Variants in SEMA3D observed in about 807,000 individuals in gnomAD.
SEMA3D encodes semaphorin-3D.
SEMA3D carries 84 observed loss-of-function variants against 100.1 expected under a neutral mutation model. The ratio of observed to expected loss-of-function variants is 0.84; its 90% CI spans 0.70 to 1.01. The LOEUF is 1.01. SEMA3D is among the 50% of genes least tolerant of loss of function. The pLI is 0.00. For synonymous variants in SEMA3D, 312 were observed against 320.7 expected, an observed-to-expected ratio of 0.97 and a Z score of 0.29; for missense variants, 875 against 934.1, an observed-to-expected ratio of 0.94 and a Z score of 0.82.
At chr7:85,077,843 A>G (rs1350769559) in intron 5 of SEMA3D, among the ~76,000 whole-genome samples, 1 of 152,156 alleles carries the variant, frequency 6.6e-6, no homozygotes, top group East Asian at 1.9e-4. Context: ...AACTAGTAAA[A>G]GTCTACTCAA....
intron 2 of SEMA3D, among the ~76,000 whole-genome samples, chr7:85,150,657 C>G (rs1166739819): frequency 2.0e-5 from 3 of 151,686 alleles, no homozygotes; most frequent in Non-Finnish European, 4.4e-5. Flanking sequence ...TTCATTTTAA[C>G]TCCTTTACTC....
chr7:85,174,568 GA>G (rs1290598886), intron 1 of SEMA3D, among the ~76,000 whole-genome samples: 5 of 152,042 alleles, frequency 3.3e-5, no homozygotes, highest in African/African-American at 1.2e-4. Flanking sequence ...TAAGAATATG[GA>G]AAAAAGATAC....
chr7:85,125,193 A>T (rs779081061), intron 2 of SEMA3D, among the ~76,000 whole-genome samples: 1 of 152,082 alleles, frequency 6.6e-6, no homozygotes, highest in East Asian at 1.9e-4. Flanking sequence ...CAATGCATGT[A>T]ACGTGAATGT....
intron 12 of SEMA3D, among the ~76,000 whole-genome samples, chr7:85,031,152 T>A (rs1312152743): frequency 6.6e-6 from 1 of 152,022 alleles, no homozygotes; most frequent in East Asian, 1.9e-4. Flanking sequence ...TACAGCATTC[T>A]GTCAAAACCA....
the SEMA3D span, among the ~76,000 whole-genome samples, chr7:85,226,456 A>T: frequency 2.7e-4 from 41 of 152,304 alleles, no homozygotes; most frequent in Non-Finnish European, 4.6e-4. Flanking sequence ...TACTCATTGT[A>T]TGGTTGGTAA....
At chr7:85,153,421 T>A (rs1338910416) in intron 2 of SEMA3D, among the ~76,000 whole-genome samples, 187 bp downstream of exon 2, 2 of 152,118 alleles carry the variant, frequency 1.3e-5, no homozygotes, top group Non-Finnish European at 2.9e-5. Flanking sequence ...GGACATAGAT[T>A]ATCCAAAGTT....
At chr7:85,085,175 AG>A (rs1386292089) in intron 4 of SEMA3D, among the ~76,000 whole-genome samples, 1 of 152,178 alleles carries the variant, frequency 6.6e-6, no homozygotes, top group Non-Finnish European at 1.5e-5. Context: ...ATCACATTTA[AG>A]GAATACATGT....
intron 2 of SEMA3D, chr7:85,140,298 T>C: frequency 1.0e-6 from 1 of 981,580 alleles, no homozygotes; most frequent in African/African-American, 1.7e-5. Flanking sequence ...TGCAAAACTT[T>C]GATTGTGACA....
intron 12 of SEMA3D, among the ~76,000 whole-genome samples, chr7:85,023,748 T>C (rs1790318107): frequency 6.6e-6 from 1 of 151,938 alleles, no homozygotes; most frequent in East Asian, 1.9e-4. Flanking sequence ...ATACTAGAAC[T>C]AGTCCCAATA....
chr7:85,151,335 A>G (rs1190689554), intron 2 of SEMA3D, among the ~76,000 whole-genome samples: 2 of 152,010 alleles, frequency 1.3e-5, no homozygotes, highest in African/African-American at 4.8e-5. Context: ...TTCAAAATAA[A>G]CCAGGTAAAC....
chr7:85,060,447 G>C (rs935197149), intron 8 of SEMA3D, among the ~76,000 whole-genome samples: 1 of 152,010 alleles, frequency 6.6e-6, no homozygotes, highest in Admixed American at 6.6e-5. Flanking sequence ...CATTTAATCA[G>C]TGCATACTTG....
rs142485146 is a variant in SEMA3D, at chr7:85,143,698, C to G, written c.-41+9910G>C. Among the ~76,000 whole-genome samples the G allele has an allele frequency of 2.9e-3, 435 of 151,224 alleles. 1 individual carries two copies. Among genetic ancestry groups the G allele is most frequent in the African/African-American group, 0.01 (422 of 41,152 alleles). ...GTTGTATAATATCGTCTAGTGCTCT[C>G]TAGTAAAAATATAATATGAGACATG... On this transcript the variant is annotated intron_variant, in intron 2 of 18. Transcript: ENST00000284136.
At chr7:85,033,950 G>GTGTAAGAACTAATAACTGGGAGTTAT (rs2115933559) in intron 12 of SEMA3D, among the ~76,000 whole-genome samples, 1 of 151,698 alleles carries the variant, frequency 6.6e-6, no homozygotes, top group Admixed American at 6.6e-5. Context: ...CAACATCATA[G>GTGTAAGAACTAATAACTGGGAGTTAT]TGTAAGAACT....
chr7:85,208,829 T>G, the SEMA3D span, among the ~76,000 whole-genome samples: 1 of 152,026 alleles, frequency 6.6e-6, no homozygotes, highest in Non-Finnish European at 1.5e-5. Context: ...ATATATAGCT[T>G]TATATAGAAA....
the SEMA3D span, among the ~76,000 whole-genome samples, chr7:85,197,311 C>A: frequency 1.3e-5 from 2 of 152,154 alleles, no homozygotes; most frequent in Non-Finnish European, 2.9e-5. Flanking sequence ...CCTCTAAGGG[C>A]AGCCACTATA....
At chr7:85,242,759 A>G in the SEMA3D span, among the ~76,000 whole-genome samples, 3 of 152,036 alleles carry the variant, frequency 2.0e-5, no homozygotes, top group Non-Finnish European at 4.4e-5. Context: ...CTCTTCTTTG[A>G]TTATTAACCA....
chr7:85,006,808 TC>T lies in SEMA3D; in HGVS notation c.1901del (p.Arg634GlnfsTer4). The T allele has an allele frequency of 6.3e-7, 1 of 1,591,728 alleles. No homozygotes were observed. Among genetic ancestry groups the T allele is most frequent in the Non-Finnish European group, 8.6e-7 (1 of 1,167,272 alleles). The stretch of plus-strand genomic sequence containing the variant: ...TTTGATGACAACAGCTTACCTCCTC[TC>T]GATGCTCATCCCCTGACCTCTGGAT... Reference protein sequence around the residue: ...WYIQRSGDEHREELKPDERII... With the variant: ...WYIQRSGDEHXEELKPDERII... On this transcript the variant is annotated frameshift_variant, in exon 18 of 19. Coordinates refer to ENST00000284136, the MANE Select transcript of SEMA3D (RefSeq NM_001384900.1). LOFTEE classifies it high-confidence loss of function.
chr7:85,142,612 T>A (rs1220488589), intron 2 of SEMA3D: 1 of 984,140 alleles, frequency 1.0e-6, no homozygotes, highest in African/African-American at 1.8e-5. Flanking sequence ...AGGCTTTGGA[T>A]ATTTGTTTTA....
chr7:85,200,651 A>C, the SEMA3D span, among the ~76,000 whole-genome samples: 1 of 152,212 alleles, frequency 6.6e-6, no homozygotes, highest in Non-Finnish European at 1.5e-5. Flanking sequence ...TTCTGAAGAG[A>C]AATTGAAGCC....
Sources: gnomAD v4.1 joint callset for allele counts (sites outside exome capture counted in the v4.1 genomes callset) on GRCh38, gnomAD v4.1.1 for gene constraint, MANE v1.5 for transcripts, NCBI Gene and HGNC (gene_info 2026-07-23, HGNC 2026-07-21) for gene names.